Variants in HPS5 observed in about 807,000 individuals in gnomAD.
HPS5 encodes HPS5 biogenesis of lysosomal organelles complex 2 subunit 2.
In HPS5, 83 loss-of-function variants were observed where a neutral mutation model predicts 128.0. That is an observed-to-expected ratio of 0.65 (90% CI 0.54 to 0.78). The LOEUF (loss-of-function observed/expected upper bound fraction) is 0.78, where lower values mean the gene tolerates loss of function less well. HPS5 is among the 30% of genes least tolerant of loss of function. The probability of loss-of-function intolerance (pLI) is 0.00; values close to 1 mark genes in which losing one functional copy is unlikely to be tolerated. For synonymous variants in HPS5, 475 were observed against 470.2 expected, an observed-to-expected ratio of 1.01 and a Z score of -0.13; for missense variants, 1,281 against 1,326.2, an observed-to-expected ratio of 0.97 and a Z score of 0.53.
chr11:18,305,472 A>G lies in HPS5; in HGVS notation c.846T>C (p.His282=). The change falls in exon 8 of 23, where the codon CAT becomes CAC. Residue 282 remains histidine, a synonymous_variant. Coordinates refer to ENST00000349215, the MANE Select transcript of HPS5 (RefSeq NM_181507.2). The part of the protein sequence containing the change: ...ITLRSEPQYD[H]TAGSSQSLSF... ...ACAAAGACTGGGAGGATCCAGCTGT[A>G]TGATCATACTGAGGTTCTGATCTAG... The G allele has an allele frequency of 6.2e-7, 1 of 1,609,320 alleles. No homozygotes were observed. Among genetic ancestry groups the G allele is most frequent in the Non-Finnish European group, 8.5e-7 (1 of 1,175,842 alleles).
At chr11:18,301,871 T>A (rs145974286) in intron 8 of HPS5, among the ~76,000 whole-genome samples, 1 of 152,224 alleles carries the variant, frequency 6.6e-6, no homozygotes, top group African/African-American at 2.4e-5. Context: ...GAGTCAGAAT[T>A]TATACTGGAT....
chr11:18,311,275 T>A, intron 4 of HPS5, 112 bp downstream of exon 4: 1 of 802,336 alleles, frequency 1.2e-6, no homozygotes, highest in South Asian at 1.5e-5. Flanking sequence ...GTTTCACTGT[T>A]AAAACCGGGA....
At chr11:18,288,160 A>G in intron 16 of HPS5, 147 bp from the exon 17 acceptor site, 1 of 758,464 alleles carries the variant, frequency 1.3e-6, no homozygotes, top group Non-Finnish European at 2.1e-6. Flanking sequence ...ATTACAAGAG[A>G]AACAAATAAA....
At chr11:18,283,178 T>A (rs1859244860) in intron 21 of HPS5, among the ~76,000 whole-genome samples, 3 of 151,952 alleles carry the variant, frequency 2.0e-5, no homozygotes, top group Non-Finnish European at 4.4e-5. Context: ...ATTTTTGTAT[T>A]TTTAGTAGAG....
At chr11:18,314,946 C>T in intron 2 of HPS5, among the ~76,000 whole-genome samples, 1 of 152,184 alleles carries the variant, frequency 6.6e-6, no homozygotes, top group East Asian at 1.9e-4. Context: ...CCAATCCTCC[C>T]ACTTCTGCCT....
Position 18,291,504 on chromosome 11 carries a change from C to T in HPS5, c.2378G>A (p.Ser793Asn), listed in dbSNP as rs749722278. 7 of 1,610,534 alleles carry T rather than the reference C, an allele frequency of 4.3e-6. No homozygotes were observed. The highest frequency in any genetic ancestry group is 3.4e-5 in the Admixed American group (2 of 59,162). Reference protein sequence around the residue: ...FLLNLKRAKESIKLSYSNSPS... With the variant: ...FLLNLKRAKENIKLSYSNSPS... ...GCTATTACTGTAACTAAGCTTGATACTCTCCTTCGCTCTTTTCAAGTTCAG... is the reference window on the plus strand; with the variant it reads ...GCTATTACTGTAACTAAGCTTGATATTCTCCTTCGCTCTTTTCAAGTTCAG... The change falls in exon 16 of 23, where the codon AGT becomes AAT. Residue 793 changes from serine to asparagine, a missense_variant. Physicochemically the swap from Ser to Asn is conservative, Grantham distance 46. Transcript: ENST00000349215.
intron 2 of HPS5, among the ~76,000 whole-genome samples, chr11:18,315,242 C>A (rs762533320): frequency 5.9e-5 from 9 of 152,168 alleles, no homozygotes; most frequent in Non-Finnish European, 1.0e-4. Context: ...TCCCTTTAAC[C>A]TTGTCTCGTT....
At chr11:18,311,511 A>ATTATTTT (rs1554944989) in intron 3 of HPS5, 60 bp from the exon 4 acceptor site, 149 of 531,852 alleles carry the variant, frequency 2.8e-4, no homozygotes, top group South Asian at 4.4e-4. Context: ...TATTATTATT[A>ATTATTTT]TTTTTTTTTT....
Position 18,317,732 on chromosome 11 carries a change from C to A in HPS5, c.108+19G>T, listed in dbSNP as rs1031547241. The A allele has an allele frequency of 6.2e-7, 1 of 1,610,806 alleles. No individual in the cohort carries two copies. The highest frequency in any genetic ancestry group is 1.3e-5 in the African/African-American group (1 of 74,840). The stretch of plus-strand genomic sequence containing the variant: ...AGAGCACGTGAAAATGAAACTGATA[C>A]AAGGATCAAGAAATTCACCTTTAGA... On this transcript the variant is annotated intron_variant, in intron 2 of 22. Coordinates refer to ENST00000349215, the MANE Select transcript of HPS5 (RefSeq NM_181507.2).
At chr11:18,312,980 T>C (rs971641664) in intron 2 of HPS5, among the ~76,000 whole-genome samples, 9 of 152,240 alleles carry the variant, frequency 5.9e-5, no homozygotes, top group African/African-American at 1.7e-4. Context: ...GTCTAACTGA[T>C]ATCAAGCCTC....
chr11:18,294,905 T>G, intron 14 of HPS5, 115 bp downstream of exon 14: 1 of 1,078,880 alleles, frequency 9.3e-7, no homozygotes, highest in South Asian at 1.3e-5. Flanking sequence ...TTCAAAGCCG[T>G]CCTGGAACAC....
chr11:18,300,968 A>T, intron 8 of HPS5, 52 bp from the exon 9 acceptor site: 6 of 1,051,400 alleles, frequency 5.7e-6, no homozygotes, highest in Non-Finnish European at 8.9e-6. Context: ...ACAAAAGTTT[A>T]TAATTCCCCG....
chr11:18,316,695 C>A (rs1235774406), intron 2 of HPS5, among the ~76,000 whole-genome samples: 2 of 152,190 alleles, frequency 1.3e-5, no homozygotes, highest in East Asian at 3.8e-4. Flanking sequence ...CAGCCTAGGA[C>A]AAACTTCCAA....
At chr11:18,296,420 G>A (rs1025753636) in intron 12 of HPS5, 54 of 536,742 alleles carry the variant, frequency 1.0e-4, no homozygotes, top group East Asian at 9.7e-5. Context: ...AGGAATACTC[G>A]CACATCGAAA....
intron 8 of HPS5, among the ~76,000 whole-genome samples, chr11:18,303,726 G>A (rs112276052): frequency 0.028 from 4,217 of 152,124 alleles, 86 homozygotes; most frequent in African/African-American, 0.053. Context: ...GGTGGCGTGC[G>A]CCTGTGAGTC....
At chr11:18,301,324 C>T (rs1861670184) in intron 8 of HPS5, among the ~76,000 whole-genome samples, 2 of 151,818 alleles carry the variant, frequency 1.3e-5, no homozygotes, top group Admixed American at 1.3e-4. Flanking sequence ...GGCATGGTGA[C>T]ATGCGCTTGT....
rs1209546355 is a variant in HPS5 at position 18,282,236 on chromosome 11, G to T, written c.3059-16C>A. On this transcript the variant is annotated splice_polypyrimidine_tract_variant and intron_variant, in intron 21 of 22. Transcript: ENST00000349215. ...GGGATCCAACCTAAACACACACAGG[G>T]AAGTGTCAGTTTGACCACTCTTAGC... 3.1e-6 allele frequency: 5 copies of T among 1,613,704 alleles called. No individual in the cohort carries two copies. Among genetic ancestry groups the T allele is most frequent in the East Asian group, 4.5e-5 (2 of 44,886 alleles).
intron 16 of HPS5, among the ~76,000 whole-genome samples, chr11:18,291,149 C>T (rs965265396): frequency 2.0e-5 from 3 of 151,976 alleles, no homozygotes; most frequent in African/African-American, 7.3e-5. Context: ...ACCCAGGAGG[C>T]GGAGGTTGCA....
chr11:18,315,740 T>G (rs1295105491), intron 2 of HPS5, among the ~76,000 whole-genome samples: 1 of 151,244 alleles, frequency 6.6e-6, no homozygotes, highest in Non-Finnish European at 1.5e-5. Context: ...AGACCGGGAG[T>G]CATCATCATG....
Sources: gnomAD v4.1 joint callset for allele counts (sites outside exome capture counted in the v4.1 genomes callset) on GRCh38, gnomAD v4.1.1 for gene constraint, MANE v1.5 for transcripts, NCBI Gene and HGNC (gene_info 2026-07-23, HGNC 2026-07-21) for gene names.